GBGT1: variants seen among roughly 807,000 people sequenced by gnomAD.
GBGT1 encodes globoside alpha-1,3-N-acetylgalactosaminyltransferase 1.
In GBGT1, 18 loss-of-function variants were observed where a neutral mutation model predicts 20.9. The ratio of observed to expected loss-of-function variants is 0.86; its 90% CI spans 0.60 to 1.28. The LOEUF is 1.28. Ranked by LOEUF, GBGT1 falls within the 50% of genes most tolerant of loss-of-function variation. The probability of loss-of-function intolerance (pLI) is 0.00; values close to 1 mark genes in which losing one functional copy is unlikely to be tolerated. For missense variants in GBGT1, 432 were observed against 455.7 expected (o/e 0.95, Z 0.47); for synonymous variants, 168 against 180.8 (o/e 0.93, Z 0.57).
chr9:133,160,985 G>T, intron 3 of GBGT1: 1 of 354,408 alleles, frequency 2.8e-6, no homozygotes, highest in Non-Finnish European at 5.0e-6. Flanking sequence ...ACTCCAGCCA[G>T]GGCGACAGAG....
chr9:133,159,015 C>T (rs1832956587), intron 3 of GBGT1, among the ~76,000 whole-genome samples: 2 of 151,976 alleles, frequency 1.3e-5, no homozygotes, highest in Non-Finnish European at 2.9e-5. Flanking sequence ...AGCTGGAGTG[C>T]AGTGGTGTGA....
In GBGT1 at chr9:133,161,592, G is replaced by A. The variant is rs188561774; in HGVS notation, c.72-60C>T. ...CCACTCTGCACCAGAGGCTGAAAAC[G>A]CACCTCATGCACGTCATTGGGAGTG... On this transcript the variant is annotated intron_variant, in intron 2 of 6. Coordinates refer to ENST00000372040, the MANE Select transcript of GBGT1 (RefSeq NM_021996.6). 7.3e-4 allele frequency: 840 copies of A among 1,152,752 alleles called. 12 individuals carry two copies. In the Admixed American group the frequency reaches 0.015, roughly 21 times the overall value. The allele number at this position is 1,152,752 out of a possible 1,614,324, so 71.4% of individuals were successfully genotyped here.
intron 4 of GBGT1, 37 bp downstream of exon 4, chr9:133,155,978 C>T: frequency 6.2e-7 from 1 of 1,613,556 alleles, no homozygotes. Context: ...AGCCACCACC[C>T]TCACGGCCAC....
At position 133,155,332 on chromosome 9, in the gene GBGT1, G is replaced by A. The variant is rs776976386; in HGVS notation, c.225-20C>T. The A allele has an allele frequency of 6.2e-7, 1 of 1,613,278 alleles. No individual in the cohort carries two copies. The highest frequency in any genetic ancestry group is 1.3e-5 in the African/African-American group (1 of 74,992). On this transcript the variant is annotated intron_variant, in intron 5 of 6. Coordinates refer to ENST00000372040, the MANE Select transcript of GBGT1 (RefSeq NM_021996.6). ...GTGGGCCTGGCAGCAGGGGGGCCGT[G>A]GGCACTGAGACCCTCCCCTGTGAAA...
Position 133,162,450 on chromosome 9 carries a change from A to G in GBGT1, c.-38T>C. 6.4e-7 allele frequency: 1 copy of G among 1,552,942 alleles called. No homozygotes were observed. Among genetic ancestry groups the G allele is most frequent in the Non-Finnish European group, 8.8e-7 (1 of 1,139,824 alleles). ...CACCTGAGCCTGGGCACTTGTAGAGACCCCCACTGGCCTGGGCGGATGAGG... is the reference window on the plus strand; with the variant it reads ...CACCTGAGCCTGGGCACTTGTAGAGGCCCCCACTGGCCTGGGCGGATGAGG... On this transcript the variant is annotated 5_prime_UTR_variant, in exon 2 of 7. Transcript: ENST00000372040.
chr9:133,162,701 C>G (rs1833092091), intron 1 of GBGT1, among the ~76,000 whole-genome samples, 169 bp from the exon 2 acceptor site: 1 of 152,198 alleles, frequency 6.6e-6, no homozygotes, highest in African/African-American at 2.4e-5. Flanking sequence ...CCACCATGCC[C>G]AGCTAATTTT....
At position 133,162,396 on chromosome 9, in the gene GBGT1, A is replaced by G. The variant is rs754796161; in HGVS notation, c.17T>C (p.Leu6Pro). The part of the protein sequence containing the change: MHRRR[L>P]ALGLGFCLLA... ...CAGGCAGAACCCCAGACCCAGGGCC[A>G]GTCTCCGGCGATGCATTGCTGGGGG... The change falls in exon 2 of 7, where the codon CTG becomes CCG. Residue 6 changes from leucine (L) to proline (P), a missense_variant. Physicochemically the swap from Leu to Pro is moderately conservative, Grantham distance 98. Coordinates refer to ENST00000372040, the MANE Select transcript of GBGT1 (RefSeq NM_021996.6). 1.9e-6 allele frequency: 3 copies of G among 1,608,900 alleles called. No individual in the cohort carries two copies. The highest frequency in any genetic ancestry group is 4.5e-5 in the East Asian group (2 of 44,676).
At chr9:133,158,844 G>A (rs1273691977) in intron 3 of GBGT1, among the ~76,000 whole-genome samples, 3 of 152,040 alleles carry the variant, frequency 2.0e-5, no homozygotes, top group South Asian at 2.1e-4. Flanking sequence ...CCGTTGCCCC[G>A]CCCCCAGCCC....
At chr9:133,158,297 G>C (rs565611468) in intron 3 of GBGT1, among the ~76,000 whole-genome samples, 3 of 151,878 alleles carry the variant, frequency 2.0e-5, no homozygotes, top group Admixed American at 2.0e-4. Context: ...TTTCTTTTTT[G>C]AGGTGGGGTC....
intron 1 of GBGT1, among the ~76,000 whole-genome samples, chr9:133,162,925 C>T (rs1245044599): frequency 2.0e-5 from 3 of 152,200 alleles, no homozygotes. Flanking sequence ...CTCTAGGTCC[C>T]GCTGGACCCC....
chr9:133,158,277 C>G (rs1832932687), intron 3 of GBGT1, among the ~76,000 whole-genome samples: 1 of 152,044 alleles, frequency 6.6e-6, no homozygotes, highest in Admixed American at 6.6e-5. Flanking sequence ...AGTTTCTTTT[C>G]TTTCTTTCTT....
chr9:133,154,100 G>C lies in GBGT1; in HGVS notation c.521C>G (p.Ser174Cys), dbSNP rs746076670. The C allele has an allele frequency of 6.2e-6, 10 of 1,612,760 alleles. No homozygotes were observed. The South Asian group carries it at 9.9e-5, about 16-fold the overall frequency. Residue 174 changes from serine (S) to cysteine (C), a missense_variant, in exon 7 of 7, where the codon TCC becomes TGC. Ser to Cys is a moderately radical substitution (Grantham distance 112, BLOSUM62 -1). Transcript: ENST00000372040. The surrounding 1 kb of genome is among the most constrained non-coding windows in gnomAD (Gnocchi z 4.2). ...GCGCATGGATGTCTCCTCCCAGTGG[G>C]AGTGACCCTGGATGGGGATGGAGCT... ...LLSSIPIQGHSHWEETSMRRM... is the reference protein window; with the variant it reads ...LLSSIPIQGHCHWEETSMRRM...
At position 133,155,950 on chromosome 9, in the gene GBGT1, G is replaced by C. The variant is rs368926549; in HGVS notation, c.189-14C>G. On this transcript the variant is annotated splice_polypyrimidine_tract_variant and intron_variant, in intron 4 of 6. Transcript: ENST00000372040. Reference sequence around the variant, plus strand: ...GGGTACTGTGACCTGCAACCAAGAAGGACCAGTGATGGAGGAGAGCCACCA... The same window carrying C: ...GGGTACTGTGACCTGCAACCAAGAACGACCAGTGATGGAGGAGAGCCACCA... 4 of 1,614,154 alleles carry C rather than the reference G, an allele frequency of 2.5e-6. No homozygotes were observed. Among genetic ancestry groups the C allele is most frequent in the Non-Finnish European group, 3.4e-6 (4 of 1,179,996 alleles).
intron 3 of GBGT1, chr9:133,159,894 G>C (rs1832982666): frequency 6.5e-6 from 1 of 153,746 alleles, no homozygotes; most frequent in African/African-American, 2.4e-5. Context: ...CCCACAAACG[G>C]ACCAAACAGA....
At position 133,153,589 on chromosome 9, in the gene GBGT1, G is replaced by A. The variant is rs745813526; in HGVS notation, c.1032C>T (p.Cys344=). ...CCCAGCTCCGTGGTCAGCTCCTCAG[G>A]CAGCTGATATCCTTGTCCAGTGTAG... The part of the protein sequence containing the change: ...RFSTLDKDIS[C]LRS The change falls in exon 7 of 7, where the codon TGC becomes TGT. Residue 344 remains cysteine (C), a synonymous_variant. Transcript: ENST00000372040. The A allele has an allele frequency of 2.6e-6, 4 of 1,534,230 alleles. No individual in the cohort carries two copies. Among genetic ancestry groups the A allele is most frequent in the South Asian group, 1.3e-5 (1 of 78,096 alleles).
rs1035901012 is a variant in GBGT1 at position 133,155,169 on chromosome 9, A to G, written c.359+9T>C. ...AGACCTCCCTCCCCTTCCCCAGCCC[A>G]CTACTCACTTCCCCACGGCAAACAC... On this transcript the variant is annotated intron_variant, in intron 6 of 6. Transcript: ENST00000372040. 1.9e-6 allele frequency: 3 copies of G among 1,612,820 alleles called. No individual in the cohort carries two copies. The African/African-American group carries it at 4.0e-5, about 22-fold the overall frequency.
At chr9:133,158,651 G>A (rs976266013) in intron 3 of GBGT1, among the ~76,000 whole-genome samples, 1 of 152,122 alleles carries the variant, frequency 6.6e-6, no homozygotes, top group African/African-American at 2.4e-5. Context: ...TCCACCTCTA[G>A]GCTATGCTCT....
intron 3 of GBGT1, among the ~76,000 whole-genome samples, chr9:133,158,360 T>C (rs543540524): frequency 1.1e-4 from 17 of 152,062 alleles, no homozygotes; most frequent in African/African-American, 3.9e-4. Flanking sequence ...CTAACTGCAG[T>C]CTTGACTGCC....
In GBGT1 at chr9:133,155,963, A is replaced by T. The variant is rs777534578; in HGVS notation, c.189-27T>A. ...TGCAACCAAGAAGGACCAGTGATGG[A>T]GGAGAGCCACCACCCTCACGGCCAC... On this transcript the variant is annotated intron_variant, in intron 4 of 6. Coordinates refer to ENST00000372040, the MANE Select transcript of GBGT1 (RefSeq NM_021996.6). The T allele has an allele frequency of 6.2e-6, 10 of 1,612,918 alleles. No individual in the cohort carries two copies. The East Asian group carries it at 6.7e-5, about 11-fold the overall frequency.
Sources: allele counts gnomAD v4.1 joint callset (sites outside exome capture counted in the v4.1 genomes callset), GRCh38; gene constraint gnomAD v4.1.1; non-coding constraint Gnocchi (gnomAD v3.1); transcripts MANE v1.5; gene names NCBI Gene and HGNC (gene_info 2026-07-23, HGNC 2026-07-21).